Variants in CHRNA7 observed in about 807,000 individuals in gnomAD.
The protein encoded by CHRNA7 is neuronal acetylcholine receptor subunit alpha-7.
A neutral mutation model predicts 48.0 loss-of-function variants in CHRNA7; 17 were observed. The ratio of observed to expected loss-of-function variants is 0.35; its 90% CI spans 0.24 to 0.53. The LOEUF (loss-of-function observed/expected upper bound fraction) is 0.53, where lower values mean the gene tolerates loss of function less well. Among genes scored for constraint, CHRNA7 ranks in the 20% least tolerant of loss-of-function variants. CHRNA7 has a pLI of 0.92. For synonymous variants in CHRNA7, 75 were observed against 242.3 expected (o/e 0.31, Z 6.41); for missense variants, 155 against 577.7 (o/e 0.27, Z 7.50).
At chr15:32,065,826 G>C (rs1048280432) in intron 2 of CHRNA7, among the ~76,000 whole-genome samples, 1 of 148,052 alleles carries the variant, frequency 6.8e-6, no homozygotes, top group South Asian at 2.1e-4. Flanking sequence ...ACAGCACACA[G>C]ACATAGCCCA....
chr15:32,030,718 C>T (rs773542056), intron 1 of CHRNA7, 69 bp downstream of exon 1: 1 of 1,536,870 alleles, frequency 6.5e-7, no homozygotes, highest in Non-Finnish European at 8.7e-7. Flanking sequence ...CGCCTCTGTG[C>T]GCCCCGCGCC....
chr15:32,103,471 C>T (rs1016141953), intron 3 of CHRNA7, among the ~76,000 whole-genome samples: 49 of 151,844 alleles, frequency 3.2e-4, no homozygotes, highest in African/African-American at 1.1e-3. Context: ...TGCTAGGTCT[C>T]CAAGGTGCAC....
intron 2 of CHRNA7, among the ~76,000 whole-genome samples, chr15:32,061,428 T>C (rs2049876823): frequency 6.6e-6 from 1 of 152,164 alleles, no homozygotes; most frequent in Non-Finnish European, 1.5e-5. Flanking sequence ...ACTCCCACAA[T>C]ACCGAAATAC....
chr15:32,115,711 C>T (rs564988068), intron 4 of CHRNA7, among the ~76,000 whole-genome samples: 2 of 152,214 alleles, frequency 1.3e-5, no homozygotes, highest in East Asian at 1.9e-4. Context: ...TTCCTGTCCA[C>T]GATGGCACTT....
In CHRNA7 at chr15:32,136,838, C is replaced by T. The variant is rs201521570; in HGVS notation, c.351-17069C>T. Among the ~76,000 whole-genome samples, 496 of 148,142 alleles carry T rather than the reference C, an allele frequency of 3.3e-3. 3 individuals carry two copies. Among genetic ancestry groups the T allele is most frequent in the Non-Finnish European group, 4.9e-3 (331 of 67,384 alleles). ...CGAGGTCAGGAGATCGAGACCATCC[C>T]GGCTAACACGGTGAAACCCCGTCTC... On this transcript the variant is annotated intron_variant, in intron 4 of 9. Coordinates refer to ENST00000306901, the MANE Select transcript of CHRNA7 (RefSeq NM_000746.6).
chr15:32,071,098 C>T (rs1403285677), intron 2 of CHRNA7, among the ~76,000 whole-genome samples: 1 of 152,048 alleles, frequency 6.6e-6, no homozygotes, highest in Non-Finnish European at 1.5e-5. Flanking sequence ...TATTAGGCTC[C>T]ACTTCAGGAG....
rs551732022 is a variant in CHRNA7, at chr15:32,123,507, T to G, written c.350+11608T>G. Among the ~76,000 whole-genome samples the G allele has an allele frequency of 2.0e-5, 3 of 152,280 alleles. No homozygotes were observed. The South Asian group carries it at 6.2e-4, about 32-fold the overall frequency. ...CATGGGTATGAACATTATTTTAAAC[T>G]GAAGACATTTGAGATTAAACAGATA... On this transcript the variant is annotated intron_variant, in intron 4 of 9. Transcript: ENST00000306901.
At chr15:32,116,643 C>T (rs534332236) in intron 4 of CHRNA7, among the ~76,000 whole-genome samples, 4 of 152,314 alleles carry the variant, frequency 2.6e-5, no homozygotes, top group East Asian at 1.9e-4. Flanking sequence ...ATCAGCAGTC[C>T]GCTTGCAGAA....
chr15:32,151,292 C>G (rs1233508712), intron 4 of CHRNA7, among the ~76,000 whole-genome samples: 1 of 152,158 alleles, frequency 6.6e-6, no homozygotes, highest in Non-Finnish European at 1.5e-5. Context: ...CCACCTTTTT[C>G]TAGGCCTCCT....
chr15:32,137,959 T>C (rs1485797757), intron 4 of CHRNA7, among the ~76,000 whole-genome samples: 1 of 152,220 alleles, frequency 6.6e-6, no homozygotes, highest in African/African-American at 2.4e-5. Context: ...ATAGACATCT[T>C]TTTTAGGAAA....
intron 4 of CHRNA7, among the ~76,000 whole-genome samples, chr15:32,148,300 G>A (rs991211527): frequency 2.0e-5 from 3 of 152,100 alleles, no homozygotes; most frequent in African/African-American, 7.2e-5. Flanking sequence ...GGACTTCTTT[G>A]ATGGCTGGAC....
At chr15:32,102,545 ATTGAT>A (rs1348740276) in intron 3 of CHRNA7, 3 of 150,264 alleles carry the variant, frequency 2.0e-5, no homozygotes, top group South Asian at 2.1e-4. Context: ...TTTCTTTTGG[ATTGAT>A]TTAAGTTTGC....
intron 4 of CHRNA7, among the ~76,000 whole-genome samples, chr15:32,115,421 C>A (rs897494329): frequency 2.6e-5 from 4 of 152,054 alleles, no homozygotes; most frequent in African/African-American, 4.8e-5. Flanking sequence ...TCTCTGCCCC[C>A]CCTTGCTGGC....
At chr15:32,075,816 C>G (rs2050128281) in intron 2 of CHRNA7, among the ~76,000 whole-genome samples, 1 of 150,574 alleles carries the variant, frequency 6.6e-6, no homozygotes, top group Admixed American at 6.6e-5. Context: ...TTCCTTTTTT[C>G]TCATATATGC....
chr15:32,094,241 C>T (rs2050429737), intron 2 of CHRNA7, among the ~76,000 whole-genome samples: 2 of 152,142 alleles, frequency 1.3e-5, no homozygotes, highest in African/African-American at 4.8e-5. Context: ...AGTCAGGTTG[C>T]ACACACTTTT....
Position 32,149,779 on chromosome 15 carries a change from G to GT in CHRNA7, c.351-4121dup, listed in dbSNP as rs988626568. 1.4e-4 allele frequency among the ~76,000 whole-genome samples: 21 copies of GT among 151,950 alleles called. No homozygotes were observed. Among genetic ancestry groups the GT allele is most frequent in the African/African-American group, 4.3e-4 (18 of 41,380 alleles). ...AGGTAAGCTGTTGCTAATAGCAACA[G>GT]TTTTTTTATCTTGTTTTTACCTGTT... On this transcript the variant is annotated intron_variant, in intron 4 of 9. Coordinates refer to ENST00000306901, the MANE Select transcript of CHRNA7 (RefSeq NM_000746.6). This position sits in a 1 kb window ranked among gnomAD's most constrained non-coding sequence, Gnocchi z 4.6.
At chr15:32,142,663 A>G (rs891110409) in intron 4 of CHRNA7, among the ~76,000 whole-genome samples, 3 of 152,224 alleles carry the variant, frequency 2.0e-5, no homozygotes, top group African/African-American at 7.2e-5. Flanking sequence ...GCATGAGTCC[A>G]GGAATTTATC....
intron 4 of CHRNA7, among the ~76,000 whole-genome samples, chr15:32,134,164 T>C (rs34701272): frequency 6.8e-6 from 1 of 147,686 alleles, no homozygotes; most frequent in African/African-American, 2.4e-5. Flanking sequence ...TTTTGTGTGT[T>C]TTTTTTTTTT....
At chr15:32,093,914 G>T (rs898417947) in intron 2 of CHRNA7, among the ~76,000 whole-genome samples, 1 of 152,160 alleles carries the variant, frequency 6.6e-6, no homozygotes, top group African/African-American at 2.4e-5. Context: ...GTTAAAAATA[G>T]AATCAAAGAG....
Sources: allele counts gnomAD v4.1 joint callset (sites outside exome capture counted in the v4.1 genomes callset), GRCh38; gene constraint gnomAD v4.1.1; non-coding constraint Gnocchi (gnomAD v3.1); transcripts MANE v1.5; gene names NCBI Gene and HGNC (gene_info 2026-07-23, HGNC 2026-07-21).